The following CRPPA variants were observed in gnomAD, a reference collection of about 807,000 sequenced individuals.
CRPPA encodes D-ribitol-5-phosphate cytidylyltransferase.
In CRPPA, 43 loss-of-function variants were observed where a neutral mutation model predicts 52.0. The observed-to-expected ratio is 0.83, with a 90% CI of 0.65 to 1.07. The LOEUF (loss-of-function observed/expected upper bound fraction) is 1.07, where lower values mean the gene tolerates loss of function less well. Ranked by LOEUF, CRPPA falls within the 50% of genes least tolerant of loss-of-function variation. CRPPA has a pLI of 0.00. For missense variants in CRPPA, 629 were observed against 551.7 expected (o/e 1.14, Z -1.40); for synonymous variants, 250 against 203.5 (o/e 1.23, Z -1.94).
intron 3 of CRPPA, among the ~76,000 whole-genome samples, chr7:16,368,703 C>A (rs17169442): frequency 2.6e-5 from 4 of 151,954 alleles, no homozygotes; most frequent in Admixed American, 6.6e-5. Context: ...TTTTTAGTGA[C>A]CCTTTAAAGC....
At chr7:16,288,670 A>AC (rs1166883932) in intron 5 of CRPPA, among the ~76,000 whole-genome samples, 5 of 151,470 alleles carry the variant, frequency 3.3e-5, no homozygotes, top group Non-Finnish European at 7.4e-5. Flanking sequence ...ACATGGTGAG[A>AC]CCCCCATCTC....
At chr7:16,188,175 G>A (rs959256761) in intron 9 of CRPPA, among the ~76,000 whole-genome samples, 8 of 151,264 alleles carry the variant, frequency 5.3e-5, no homozygotes, top group African/African-American at 7.3e-5. Flanking sequence ...TAGTAGAGAC[G>A]GGGTTTCACT....
intron 9 of CRPPA, among the ~76,000 whole-genome samples, chr7:16,183,567 C>A (rs1781451213): frequency 6.6e-6 from 1 of 152,154 alleles, no homozygotes; most frequent in Non-Finnish European, 1.5e-5. Flanking sequence ...CTAGTCAAAT[C>A]TATGGCCTTA....
intron 2 of CRPPA, among the ~76,000 whole-genome samples, chr7:16,387,078 T>TAC (rs1787304315): frequency 8.6e-5 from 4 of 46,530 alleles, no homozygotes; most frequent in African/African-American, 4.2e-4. Context: ...TATATATATA[T>TAC]ATATATATAC....
chr7:16,109,126 T>C (rs988274561), intron 9 of CRPPA, among the ~76,000 whole-genome samples: 1 of 151,518 alleles, frequency 6.6e-6, no homozygotes, highest in Non-Finnish European at 1.5e-5. Flanking sequence ...ACATAAAACA[T>C]AAATAAAACT....
At chr7:16,295,425 T>C (rs893286080) in intron 5 of CRPPA, among the ~76,000 whole-genome samples, 1 of 152,120 alleles carries the variant, frequency 6.6e-6, no homozygotes, top group Non-Finnish European at 1.5e-5. Flanking sequence ...TTTTCCTCTT[T>C]TTTAATACAC....
chr7:16,093,703 T>A (rs991708142), intron 9 of CRPPA, among the ~76,000 whole-genome samples: 1 of 152,188 alleles, frequency 6.6e-6, no homozygotes, highest in African/African-American at 2.4e-5. Flanking sequence ...ACTTAAAATA[T>A]GATTGATTTA....
In CRPPA at chr7:16,320,248, A is replaced by G. The variant is rs1353538235; in HGVS notation, c.685-11621T>C. Among the ~76,000 whole-genome samples the G allele has an allele frequency of 7.9e-5, 12 of 152,308 alleles. No individual in the cohort carries two copies. The South Asian group carries it at 2.5e-3, about 32-fold the overall frequency. On this transcript the variant is annotated intron_variant, in intron 3 of 9. Transcript: ENST00000407010. Reference sequence around the variant, plus strand: ...AAGATAATGTGCATTCTAATTAGATAAATATTCCAAATTGTCTTCCATAAA... The same window carrying G: ...AAGATAATGTGCATTCTAATTAGATGAATATTCCAAATTGTCTTCCATAAA...
At chr7:16,209,999 C>T (rs1183803279) in intron 9 of CRPPA, among the ~76,000 whole-genome samples, 4 of 152,050 alleles carry the variant, frequency 2.6e-5, no homozygotes, top group African/African-American at 9.7e-5. Context: ...GATATAATTG[C>T]ACCAATGGGT....
intron 9 of CRPPA, among the ~76,000 whole-genome samples, chr7:16,161,105 C>T (rs1783294770): frequency 6.6e-6 from 1 of 151,214 alleles, no homozygotes; most frequent in Admixed American, 6.6e-5. Context: ...ATACAATATA[C>T]ACATACAATC....
At chr7:16,292,549 T>C (rs1419926806) in intron 5 of CRPPA, among the ~76,000 whole-genome samples, 2 of 152,018 alleles carry the variant, frequency 1.3e-5, no homozygotes, top group Non-Finnish European at 2.9e-5. Context: ...ATTCTGAATG[T>C]CAGAGTTTTG....
intron 3 of CRPPA, among the ~76,000 whole-genome samples, chr7:16,375,035 A>T (rs1221700944): frequency 6.6e-6 from 1 of 152,192 alleles, no homozygotes; most frequent in Non-Finnish European, 1.5e-5. Context: ...CCTAGGCAAC[A>T]TTTAACAGAA....
chr7:16,198,680 CA>C (rs1213212839), intron 9 of CRPPA, among the ~76,000 whole-genome samples: 1 of 149,148 alleles, frequency 6.7e-6, no homozygotes, highest in South Asian at 2.2e-4. Flanking sequence ...AGGGGCAACC[CA>C]CCCCTACAGG....
intron 3 of CRPPA, among the ~76,000 whole-genome samples, chr7:16,315,718 T>C (rs893696916): frequency 6.7e-6 from 1 of 148,552 alleles, no homozygotes; most frequent in Non-Finnish European, 1.5e-5. Context: ...GTAAAACTCA[T>C]AAGACTGTGG....
At chr7:16,356,361 C>G (rs552335725) in intron 3 of CRPPA, among the ~76,000 whole-genome samples, 1 of 152,294 alleles carries the variant, frequency 6.6e-6, no homozygotes, top group African/African-American at 2.4e-5. Context: ...TCTGATTCCA[C>G]ATTTCCTGCT....
chr7:16,298,784 T>C (rs576054255), intron 5 of CRPPA, among the ~76,000 whole-genome samples: 1 of 152,310 alleles, frequency 6.6e-6, no homozygotes, highest in African/African-American at 2.4e-5. Flanking sequence ...TCATCCTCAC[T>C]GAAGTGTGGG....
chr7:16,404,132 T>G (rs10273509), intron 2 of CRPPA, among the ~76,000 whole-genome samples: 19,228 of 152,172 alleles, frequency 0.13, 1,601 homozygotes, highest in East Asian at 0.25. Context: ...AAACTCATGA[T>G]TTTACCCTTT....
At chr7:16,188,211 C>G (rs1329803875) in intron 9 of CRPPA, among the ~76,000 whole-genome samples, 2 of 151,808 alleles carry the variant, frequency 1.3e-5, no homozygotes, top group Non-Finnish European at 2.9e-5. Context: ...GTCTCGATTT[C>G]CTGACCTCAT....
chr7:16,401,467 G>C (rs1370623746), intron 2 of CRPPA, among the ~76,000 whole-genome samples: 3 of 152,166 alleles, frequency 2.0e-5, no homozygotes, highest in Non-Finnish European at 4.4e-5. Context: ...TCACCAACAA[G>C]AGCATAAAAT....
Sources: gnomAD v4.1 joint callset for allele counts (sites outside exome capture counted in the v4.1 genomes callset) on GRCh38, gnomAD v4.1.1 for gene constraint, MANE v1.5 for transcripts, NCBI Gene and HGNC (gene_info 2026-07-23, HGNC 2026-07-21) for gene names.